The following SNX18 variants were observed in gnomAD, a reference collection of about 807,000 sequenced individuals.
SNX18 encodes the protein sorting nexin-18.
A neutral mutation model predicts 48.7 loss-of-function variants in SNX18; 35 were observed. That is an observed-to-expected ratio of 0.72 (90% CI 0.55 to 0.95). The LOEUF is 0.95. SNX18 is among the 40% of genes least tolerant of loss of function. The pLI is 0.00. For synonymous variants in SNX18, 492 were observed against 384.7 expected (o/e 1.28, Z -3.26); for missense variants, 824 against 871.0 (o/e 0.95, Z 0.68).
chr5:54,611,668 G>A, the SNX18 span, among the ~76,000 whole-genome samples: 2 of 152,148 alleles, frequency 1.3e-5, no homozygotes, highest in African/African-American at 4.8e-5. Context: ...AGAGGTTTCA[G>A]TCTATACCTA....
chr5:54,547,610 T>C (rs2111630894), downstream of SNX18, among the ~76,000 whole-genome samples: 1 of 152,180 alleles, frequency 6.6e-6, no homozygotes, highest in East Asian at 1.9e-4. Context: ...TGAGAGTCTG[T>C]GCTGCTATGT....
the SNX18 span, among the ~76,000 whole-genome samples, chr5:54,564,469 T>G: frequency 1.3e-5 from 2 of 152,236 alleles, no homozygotes; most frequent in African/African-American, 4.8e-5. Context: ...CTGTAACAGA[T>G]TAGTATACAC....
intron 1 of SNX18, among the ~76,000 whole-genome samples, chr5:54,540,702 A>G (rs926720410): frequency 4.0e-5 from 6 of 151,842 alleles, no homozygotes; most frequent in Admixed American, 3.9e-4. Flanking sequence ...CTCTATGATG[A>G]AAAGCTGGGC....
chr5:54,570,376 T>G, the SNX18 span, among the ~76,000 whole-genome samples: 1 of 152,332 alleles, frequency 6.6e-6, no homozygotes, highest in South Asian at 2.1e-4. Flanking sequence ...TCTGTTGTTT[T>G]CAGCTGCCTT....
At chr5:54,523,822 A>T (rs1455647166) in intron 1 of SNX18, among the ~76,000 whole-genome samples, 2 of 152,196 alleles carry the variant, frequency 1.3e-5, no homozygotes, top group African/African-American at 4.8e-5. Context: ...AATTAAAGAT[A>T]GCTGGAGTCC....
At chr5:54,549,094 TTGGATCCACAGA>T (rs1165785214), downstream of SNX18, among the ~76,000 whole-genome samples, 4 of 152,226 alleles carry the variant, frequency 2.6e-5, no homozygotes. Flanking sequence ...CGTCCATTGG[TTGGATCCACAGA>T]TGTGGAACCC....
the SNX18 span, among the ~76,000 whole-genome samples, chr5:54,641,431 T>C: frequency 8.5e-5 from 13 of 152,118 alleles, no homozygotes; most frequent in African/African-American, 2.9e-4. Context: ...TCTCAGCACA[T>C]AAAATAAACA....
the SNX18 span, among the ~76,000 whole-genome samples, chr5:54,611,751 G>A: frequency 0.014 from 2,062 of 152,278 alleles, 24 homozygotes; most frequent in Non-Finnish European, 0.022. Flanking sequence ...GAGAAGTGGG[G>A]GTGGGGGCTG....
the SNX18 span, among the ~76,000 whole-genome samples, chr5:54,609,997 C>T: frequency 5.6e-4 from 85 of 151,988 alleles, 1 homozygote; most frequent in Non-Finnish European, 1.0e-3. Context: ...CTCTGTCTTC[C>T]TTACTCCTAC....
At chr5:54,575,478 T>C in the SNX18 span, among the ~76,000 whole-genome samples, 1 of 151,096 alleles carries the variant, frequency 6.6e-6, no homozygotes, top group Non-Finnish European at 1.5e-5. Flanking sequence ...TTCAAGCGAT[T>C]CTCCTGCCTC....
the SNX18 span, among the ~76,000 whole-genome samples, chr5:54,615,541 G>A: frequency 2.0e-5 from 3 of 152,182 alleles, no homozygotes; most frequent in Non-Finnish European, 2.9e-5. Flanking sequence ...AAACCCCACT[G>A]CCTATTTCTC....
chr5:54,615,254 G>A, the SNX18 span, among the ~76,000 whole-genome samples: 24,166 of 152,114 alleles, frequency 0.16, 2,375 homozygotes, highest in South Asian at 0.22. Context: ...GAAAATTCTT[G>A]AGCATGATCT....
At chr5:54,572,311 G>A in the SNX18 span, among the ~76,000 whole-genome samples, 3 of 152,118 alleles carry the variant, frequency 2.0e-5, no homozygotes, top group Non-Finnish European at 4.4e-5. Context: ...TGACAGCAGG[G>A]ATAAAATGGC....
At chr5:54,590,259 G>T in the SNX18 span, among the ~76,000 whole-genome samples, 1 of 152,220 alleles carries the variant, frequency 6.6e-6, no homozygotes, top group Non-Finnish European at 1.5e-5. Context: ...TATTTCCAAT[G>T]CTGTCAGATG....
chr5:54,552,734 A>G, the SNX18 span, among the ~76,000 whole-genome samples: 1 of 152,236 alleles, frequency 6.6e-6, no homozygotes, highest in Non-Finnish European at 1.5e-5. Context: ...GGAATATAGC[A>G]GTGAACAAAG....
At chr5:54,577,770 G>GA in the SNX18 span, among the ~76,000 whole-genome samples, 1 of 152,322 alleles carries the variant, frequency 6.6e-6, no homozygotes, top group South Asian at 2.1e-4. Context: ...AGGACACCAG[G>GA]AAAGCCACCA....
chr5:54,560,592 T>C, the SNX18 span, among the ~76,000 whole-genome samples: 3 of 152,164 alleles, frequency 2.0e-5, no homozygotes, highest in Admixed American at 6.5e-5. Flanking sequence ...TTTACCTATA[T>C]GTAAATACCT....
At chr5:54,562,191 TGAA>T in the SNX18 span, among the ~76,000 whole-genome samples, 1 of 152,176 alleles carries the variant, frequency 6.6e-6, no homozygotes, top group Non-Finnish European at 1.5e-5. Context: ...CTGTTACTGA[TGAA>T]GGTGTTTGGA....
chr5:54,561,358 AT>A, the SNX18 span, among the ~76,000 whole-genome samples: 393 of 151,084 alleles, frequency 2.6e-3, 3 homozygotes, highest in Non-Finnish European at 3.2e-3. Context: ...ATTTTTTTAA[AT>A]TTTTATTTCG....
Sources: gnomAD v4.1 joint callset for allele counts (sites outside exome capture counted in the v4.1 genomes callset) on GRCh38, gnomAD v4.1.1 for gene constraint, MANE v1.5 for transcripts, NCBI Gene and HGNC (gene_info 2026-07-23, HGNC 2026-07-21) for gene names.